The following SEC14L6 variants were observed in gnomAD, a reference collection of about 807,000 sequenced individuals.
SEC14L6 encodes SEC14 like lipid binding 6.
Under a neutral mutation model 54.1 loss-of-function variants are expected in SEC14L6, and 40 were observed. The ratio of observed to expected loss-of-function variants is 0.74; its 90% CI spans 0.57 to 0.96. The LOEUF (loss-of-function observed/expected upper bound fraction) is 0.96, where lower values mean the gene tolerates loss of function less well. SEC14L6 is among the 40% of genes least tolerant of loss of function. SEC14L6 has a pLI of 0.00. For missense variants in SEC14L6, 471 were observed against 498.3 expected (o/e 0.95, Z 0.52); for synonymous variants, 171 against 198.4 (o/e 0.86, Z 1.16).
At chr22:30,528,700 A>G (rs1269182459) in intron 8 of SEC14L6, among the ~76,000 whole-genome samples, 1 of 152,120 alleles carries the variant, frequency 6.6e-6, no homozygotes, top group Non-Finnish European at 1.5e-5. Flanking sequence ...CTGGGATTAC[A>G]GGCATGAGCC....
chr22:30,533,203 ACC>A, intron 3 of SEC14L6: 3 of 960,152 alleles, frequency 3.1e-6, no homozygotes, highest in Non-Finnish European at 2.5e-6. Flanking sequence ...AAAAACCTAT[ACC>A]CCCCTACAAG....
intron 1 of SEC14L6, among the ~76,000 whole-genome samples, chr22:30,541,892 G>A (rs2085722120): frequency 6.6e-6 from 1 of 152,148 alleles, no homozygotes; most frequent in African/African-American, 2.4e-5. Context: ...AAATTATCTG[G>A]TATTGCTATA....
At chr22:30,533,339 G>A (rs1197002762) in intron 3 of SEC14L6, among the ~76,000 whole-genome samples, 3 of 152,140 alleles carry the variant, frequency 2.0e-5, no homozygotes, top group Non-Finnish European at 2.9e-5. Context: ...AATGTCTCAC[G>A]CCTGTAATCC....
At position 30,539,502 on chromosome 22, in the gene SEC14L6, T is replaced by C. The variant is rs551353273; in HGVS notation, c.55-600A>G. 3.1e-3 allele frequency among the ~76,000 whole-genome samples: 477 copies of C among 152,338 alleles called. 4 individuals carry two copies. Among genetic ancestry groups the C allele is most frequent in the African/African-American group, 0.011 (450 of 41,584 alleles). The stretch of plus-strand genomic sequence containing the variant: ...AGGGGCCCTCTTTAGTGCCCTGATC[T>C]TCATCCTTAGGAAGCCTTCAGGCCA... On this transcript the variant is annotated intron_variant, in intron 1 of 11. Coordinates refer to ENST00000402034, the MANE Select transcript of SEC14L6 (RefSeq NM_001193336.4).
intron 6 of SEC14L6, 106 bp downstream of exon 6, chr22:30,531,797 T>G: frequency 4.0e-6 from 3 of 745,282 alleles, no homozygotes; most frequent in Non-Finnish European, 4.5e-6. Flanking sequence ...GGTACTCACC[T>G]GGCAGTGAGG....
rs773479136 is a variant in SEC14L6 at position 30,529,270 on chromosome 22, C to A, written c.580+19G>T. The A allele has an allele frequency of 6.5e-7, 1 of 1,549,996 alleles. No homozygotes were observed. Among genetic ancestry groups the A allele is most frequent in the Non-Finnish European group, 8.7e-7 (1 of 1,146,442 alleles). ...CCCTGTCCCCCCAACTCATGCATATCCTGGGCTGCTTTACTCACCTCTCAC... is the reference window on the plus strand; with the variant it reads ...CCCTGTCCCCCCAACTCATGCATATACTGGGCTGCTTTACTCACCTCTCAC... On this transcript the variant is annotated intron_variant, in intron 7 of 11. Transcript: ENST00000402034.
At position 30,525,759 on chromosome 22, in the gene SEC14L6, G is replaced by A. The variant is rs746870165; in HGVS notation, c.772-9C>T. 7.4e-6 allele frequency: 12 copies of A among 1,613,756 alleles called. No homozygotes were observed. Among genetic ancestry groups the A allele is most frequent in the African/African-American group, 1.3e-5 (1 of 74,918 alleles). On this transcript the variant is annotated splice_polypyrimidine_tract_variant and intron_variant, in intron 9 of 11. Transcript: ENST00000402034. ...TCACCCCCGTAGTTGATCTGTGGGT[G>A]AAGGGGGTGTGTGGGCACTAGGTCA...
At chr22:30,527,536 G>A (rs559775165) in intron 8 of SEC14L6, among the ~76,000 whole-genome samples, 4 of 151,822 alleles carry the variant, frequency 2.6e-5, no homozygotes, top group South Asian at 2.1e-4. Context: ...CTGTGTGAGC[G>A]CTACACTGAA....
intron 6 of SEC14L6, among the ~76,000 whole-genome samples, chr22:30,530,185 G>C (rs933149853): frequency 1.5e-4 from 23 of 152,072 alleles, no homozygotes; most frequent in African/African-American, 5.3e-4. Flanking sequence ...GCCAAAGTGG[G>C]AGGATCATGA....
In SEC14L6 at chr22:30,525,673, G is replaced by A. The variant is rs780309746; in HGVS notation, c.849C>T (p.Ser283=). The A allele has an allele frequency of 9.3e-6, 15 of 1,612,838 alleles. No homozygotes were observed. In the East Asian group the frequency reaches 1.3e-4, roughly 14 times the overall value. The change falls in exon 10 of 12, where the codon TCC becomes TCT. Residue 283 remains serine, a synonymous_variant. Coordinates refer to ENST00000402034, the MANE Select transcript of SEC14L6 (RefSeq NM_001193336.4). ...QVRLQYEHTR[S]VGRGSSLQVE... is the part of the protein sequence containing the mutation. ...CCTGCAGGGAGGAGCCGCGGCCCAC[G>A]GACCTCGTGTGCTCATACTGCAGCC... is the stretch of plus-strand genomic sequence containing the variant.
At position 30,525,854 on chromosome 22, in the gene SEC14L6, G is replaced by A. The variant is rs1414705960; in HGVS notation, c.743C>T (p.Pro248Leu). The A allele has an allele frequency of 6.2e-7, 1 of 1,613,702 alleles. No homozygotes were observed. The highest frequency in any genetic ancestry group is 8.5e-7 in the Non-Finnish European group (1 of 1,179,758). ...GGTCAGGCACTTGGGGTTGCCATCGGGGTCAGTCATGGTCCCCCCAAACTC... is the reference window on the plus strand; with the variant it reads ...GGTCAGGCACTTGGGGTTGCCATCGAGGTCAGTCATGGTCCCCCCAAACTC... ...PVEFGGTMTD[P>L]DGNPKCLTKI... The change falls in exon 9 of 12, where the codon CCC becomes CTC. Residue 248 changes from proline (P) to leucine (L), a missense_variant. By Grantham distance (98) the Pro-to-Leu change is moderately conservative. Coordinates refer to ENST00000402034, the MANE Select transcript of SEC14L6 (RefSeq NM_001193336.4).
At position 30,546,721 on chromosome 22, in the gene SEC14L6, C is replaced by T. The variant is rs2085803841; in HGVS notation, c.-39G>A. 2.6e-6 allele frequency: 4 copies of T among 1,533,742 alleles called. No individual in the cohort carries two copies. The highest frequency in any genetic ancestry group is 2.8e-5 in the African/African-American group (2 of 72,672). On this transcript the variant is annotated 5_prime_UTR_variant, in exon 1 of 12. Transcript: ENST00000402034. ...GGGTCCAGGCTCCACTCTGTGGCTC[C>T]CTCCAGGTGGCCTGCCTTTTGCCAG...
Position 30,525,738 on chromosome 22 carries a change from C to G in SEC14L6, c.784G>C (p.Gly262Arg), listed in dbSNP as rs761104491. ...PKCLTKINYG[G>R]EVPKSYYLCK... ...AGGTAGTAGCTCTTGGGCACCTCAC[C>G]CCCGTAGTTGATCTGTGGGTGAAGG... is the stretch of plus-strand genomic sequence containing the variant. Residue 262 changes from glycine (G) to arginine (R), a missense_variant, in exon 10 of 12, where the codon GGT becomes CGT. Gly to Arg is a moderately radical substitution (Grantham distance 125). Coordinates refer to ENST00000402034, the MANE Select transcript of SEC14L6 (RefSeq NM_001193336.4). 3 of 1,613,850 alleles carry G rather than the reference C, an allele frequency of 1.9e-6. No homozygotes were observed. In the African/African-American group the frequency reaches 4.0e-5, roughly 22 times the overall value.
intron 1 of SEC14L6, among the ~76,000 whole-genome samples, chr22:30,541,693 G>C (rs773704682): frequency 6.6e-6 from 1 of 151,914 alleles, no homozygotes; most frequent in East Asian, 1.9e-4. Context: ...AATTAGCTGG[G>C]TGTGGTGTGC....
intron 1 of SEC14L6, among the ~76,000 whole-genome samples, chr22:30,539,987 AC>A (rs1427869802): frequency 2.0e-5 from 3 of 152,234 alleles, no homozygotes; most frequent in Non-Finnish European, 2.9e-5. Flanking sequence ...AGAGCACCGG[AC>A]AAAGAGTCAG....
chr22:30,543,811 A>G (rs1568976936), intron 1 of SEC14L6: 1 of 1,507,204 alleles, frequency 6.6e-7, no homozygotes, highest in African/African-American at 1.4e-5. Context: ...TGAACCCGAG[A>G]AGAATGCCAG....
intron 1 of SEC14L6, among the ~76,000 whole-genome samples, chr22:30,544,895 GTGTTT>G (rs1388063113): frequency 2.6e-5 from 4 of 152,100 alleles, no homozygotes; most frequent in Non-Finnish European, 2.9e-5. Context: ...TTGATCTGTG[GTGTTT>G]TGTTTTGTTT....
Position 30,538,816 on chromosome 22 carries a change from T to G in SEC14L6, c.130+11A>C, listed in dbSNP as rs537471406. 14 of 1,548,628 alleles carry G rather than the reference T, an allele frequency of 9.0e-6. No homozygotes were observed. In the South Asian group the frequency reaches 1.4e-4, roughly 16 times the overall value. The stretch of plus-strand genomic sequence containing the variant: ...CATTGACCCTACCCCAGCCCCACGC[T>G]CTATCCTTACCTTGGAGCCAGCGCA... On this transcript the variant is annotated intron_variant, in intron 2 of 11. Transcript: ENST00000402034.
At chr22:30,535,226 C>T (rs1937106274) in intron 2 of SEC14L6, among the ~76,000 whole-genome samples, 1 of 152,164 alleles carries the variant, frequency 6.6e-6, no homozygotes, top group Admixed American at 6.5e-5. Flanking sequence ...GAGTGAGGTC[C>T]TAGCGGCCCC....
Sources: allele counts gnomAD v4.1 joint callset (sites outside exome capture counted in the v4.1 genomes callset), GRCh38; gene constraint gnomAD v4.1.1; transcripts MANE v1.5; gene names NCBI Gene and HGNC (gene_info 2026-07-23, HGNC 2026-07-21).